The following FLI1 variants were observed in gnomAD, a reference collection of about 807,000 sequenced individuals.
The protein encoded by FLI1 is Friend leukemia integration 1 transcription factor.
Under a neutral mutation model 53.1 loss-of-function variants are expected in FLI1, and 13 were observed. That is an observed-to-expected ratio of 0.24 (90% CI 0.16 to 0.39). The LOEUF (loss-of-function observed/expected upper bound fraction) is 0.39, where lower values mean the gene tolerates loss of function less well. Among genes scored for constraint, FLI1 ranks in the 10% least tolerant of loss-of-function variants. FLI1 has a pLI of 1.00. For missense variants in FLI1, 424 were observed against 600.5 expected (o/e 0.71, Z 3.07); for synonymous variants, 244 against 236.7 (o/e 1.03, Z -0.28).
chr11:128,720,159 A>G (rs1939195428), intron 1 of FLI1, among the ~76,000 whole-genome samples: 1 of 152,170 alleles, frequency 6.6e-6, no homozygotes, highest in Non-Finnish European at 1.5e-5. Context: ...ATCTAGCCAG[A>G]ATCATATTGC....
chr11:128,790,135 G>C (rs1355511550), intron 5 of FLI1, among the ~76,000 whole-genome samples: 3 of 151,668 alleles, frequency 2.0e-5, no homozygotes, highest in Non-Finnish European at 4.4e-5. Context: ...CAAGATTTAT[G>C]ATTATGGGAT....
In FLI1 at chr11:128,711,830, T is replaced by C. The variant is rs1321534659; in HGVS notation, c.18+17554T>C. On this transcript the variant is annotated intron_variant, in intron 1 of 8. Coordinates refer to ENST00000527786, the MANE Select transcript of FLI1 (RefSeq NM_002017.5). ...TGCTTTTCTAGTTCCCAGATCCCTA[T>C]AACCGTTTGTAATATTTCTTCTTAA... 3.3e-5 allele frequency among the ~76,000 whole-genome samples: 5 copies of C among 152,400 alleles called. No homozygotes were observed. In the East Asian group the frequency reaches 9.6e-4, roughly 29 times the overall value.
intron 1 of FLI1, among the ~76,000 whole-genome samples, chr11:128,727,285 G>A (rs139297924): frequency 1.2e-4 from 18 of 152,302 alleles, no homozygotes; most frequent in African/African-American, 4.1e-4. Flanking sequence ...GATAACTTAC[G>A]CAAAGTCCTT....
intron 5 of FLI1, among the ~76,000 whole-genome samples, chr11:128,788,578 A>G (rs2135879716): frequency 1.3e-5 from 2 of 152,268 alleles, no homozygotes; most frequent in Admixed American, 6.5e-5. Context: ...CACACAAGAT[A>G]TTTTCTGAGT....
intron 4 of FLI1, among the ~76,000 whole-genome samples, chr11:128,776,785 A>G (rs1355293425): frequency 1.3e-5 from 2 of 152,142 alleles, no homozygotes; most frequent in African/African-American, 2.4e-5. Flanking sequence ...GGCATCTCAG[A>G]CTAGGGCCTC....
chr11:128,688,517 G>T (rs1413647632), intron 1 of FLI1, among the ~76,000 whole-genome samples: 1 of 152,214 alleles, frequency 6.6e-6, no homozygotes, highest in Non-Finnish European at 1.5e-5. Context: ...AGCCCCTGCC[G>T]TTGTCCGGCA....
At chr11:128,739,942 G>A (rs1940064916) in intron 1 of FLI1, among the ~76,000 whole-genome samples, 3 of 152,154 alleles carry the variant, frequency 2.0e-5, no homozygotes, top group South Asian at 2.1e-4. Flanking sequence ...AAAGGGCCAC[G>A]TCTGAGCCGC....
At chr11:128,735,434 G>T (rs762988820) in intron 1 of FLI1, among the ~76,000 whole-genome samples, 2 of 152,158 alleles carry the variant, frequency 1.3e-5, no homozygotes, top group Non-Finnish European at 2.9e-5. Context: ...TTTAAGGTGG[G>T]CTTTTTATTT....
intron 1 of FLI1, among the ~76,000 whole-genome samples, chr11:128,698,025 G>A (rs992312777): frequency 6.7e-5 from 5 of 75,042 alleles, no homozygotes; most frequent in Admixed American, 1.3e-4. Flanking sequence ...GCACTCTCTC[G>A]TCATTAACTC....
chr11:128,711,021 C>T (rs1017701304), intron 1 of FLI1, among the ~76,000 whole-genome samples: 2 of 152,216 alleles, frequency 1.3e-5, no homozygotes, highest in Non-Finnish European at 2.9e-5. Flanking sequence ...TCCAACAGAA[C>T]TTTCTACAAA....
intron 1 of FLI1, among the ~76,000 whole-genome samples, chr11:128,715,799 G>A (rs888889427): frequency 6.6e-6 from 1 of 152,174 alleles, no homozygotes; most frequent in African/African-American, 2.4e-5. Context: ...CACGAGTCCT[G>A]AGCATGCTGG....
chr11:128,698,711 C>CGTGTGTGTGTGT lies in FLI1; in HGVS notation c.18+4447_18+4458dup, dbSNP rs10557859. On this transcript the variant is annotated intron_variant, in intron 1 of 8. Transcript: ENST00000527786. ...TGGAGGCAGTGTGTGTATGTGTTTG[C>CGTGTGTGTGTGT]GTGTGTGTGTGTGTGTGTGTGTGAG... Among the ~76,000 whole-genome samples the CGTGTGTGTGTGT allele has an allele frequency of 5.9e-3, 848 of 144,514 alleles. 16 individuals are homozygous for CGTGTGTGTGTGT. Among genetic ancestry groups the CGTGTGTGTGTGT allele is most frequent in the African/African-American group, 0.02 (776 of 38,640 alleles). The allele number at this position is 144,514 out of a possible 152,430, so 94.8% of individuals were successfully genotyped here. A position where few individuals can be genotyped will look rare whatever the true frequency, so the allele number is the denominator to read the frequency against.
chr11:128,688,232 C>A (rs117653939), intron 1 of FLI1, among the ~76,000 whole-genome samples: 1 of 152,104 alleles, frequency 6.6e-6, no homozygotes, highest in African/African-American at 2.4e-5. Flanking sequence ...ACGTGGGAGC[C>A]CCGGAACCCG....
intron 1 of FLI1, among the ~76,000 whole-genome samples, chr11:128,738,716 T>C (rs1010788486): frequency 2.0e-5 from 3 of 152,224 alleles, no homozygotes; most frequent in Non-Finnish European, 2.9e-5. Context: ...ATGCAATGAC[T>C]AAGAGCGCTT....
Position 128,757,110 on chromosome 11 carries a change from TTCTC to T in FLI1, c.19-1001_19-998del, listed in dbSNP as rs1375981367. Among the ~76,000 whole-genome samples, 10 of 137,662 alleles carry T rather than the reference TTCTC, an allele frequency of 7.3e-5. No homozygotes were observed. In the South Asian group the frequency reaches 9.6e-4, roughly 13 times the overall value. The allele number at this position is 137,662 out of a possible 152,430, so 90.3% of individuals were successfully genotyped here. On this transcript the variant is annotated intron_variant, in intron 1 of 8. Coordinates refer to ENST00000527786, the MANE Select transcript of FLI1 (RefSeq NM_002017.5). ...TTTCTTTCTTTCTTTCTTTCTTTCT[TTCTC>T]TCTTTCTGTTTTTGTAGAAACACAG...
At chr11:128,755,917 A>G (rs962775730) in intron 1 of FLI1, among the ~76,000 whole-genome samples, 7 of 152,228 alleles carry the variant, frequency 4.6e-5, no homozygotes, top group Non-Finnish European at 8.8e-5. Context: ...GAAAACAGCC[A>G]TAGAAGAGCC....
chr11:128,687,538 C>A (rs1303882412), intron 1 of FLI1, among the ~76,000 whole-genome samples: 1 of 151,996 alleles, frequency 6.6e-6, no homozygotes, highest in Non-Finnish European at 1.5e-5. Flanking sequence ...TGCAAACACC[C>A]GCATACTTTT....
chr11:128,690,804 A>C (rs1469850221), upstream of FLI1, among the ~76,000 whole-genome samples: 1 of 152,128 alleles, frequency 6.6e-6, no homozygotes, highest in Non-Finnish European at 1.5e-5. Context: ...TACTGGGAAG[A>C]GCTTCCTTGG....
chr11:128,786,628 T>C (rs958850496), intron 5 of FLI1, among the ~76,000 whole-genome samples: 1 of 152,136 alleles, frequency 6.6e-6, no homozygotes, highest in African/African-American at 2.4e-5. Flanking sequence ...AGGCTGCAGA[T>C]GTGCGTGTGT....
Sources: gnomAD v4.1 joint callset for allele counts (sites outside exome capture counted in the v4.1 genomes callset) on GRCh38, gnomAD v4.1.1 for gene constraint, MANE v1.5 for transcripts, NCBI Gene and HGNC (gene_info 2026-07-23, HGNC 2026-07-21) for gene names.